Variants in HTT-AS observed in about 807,000 individuals in gnomAD.
HTT-AS encodes HTT antisense RNA (head to head).
In HTT-AS at chr4:3,062,593, T is replaced by A. The variant is rs139320440; in HGVS notation, n.1221A>T. On this transcript the variant is annotated non_coding_transcript_exon_variant, in exon 2 of 3. Coordinates refer to ENST00000664062, the Ensembl canonical transcript of HTT-AS. ...TCATTCTCGAAGTCTCAAACTTCACTTCTCCTGTGCGCTGATTCTGAATTC... is the reference window on the plus strand; with the variant it reads ...TCATTCTCGAAGTCTCAAACTTCACATCTCCTGTGCGCTGATTCTGAATTC... Among the ~76,000 whole-genome samples, 410 of 152,220 alleles carry A rather than the reference T, an allele frequency of 2.7e-3. 1 individual carries two copies. The highest frequency in any genetic ancestry group is 5.0e-3 in the Non-Finnish European group (341 of 68,004).
intron 2 of HTT-AS, among the ~76,000 whole-genome samples, chr4:3,049,937 CACACACACACAT>C (rs1225811314): frequency 1.4e-5 from 2 of 145,314 alleles, no homozygotes; most frequent in African/African-American, 5.5e-5. Context: ...CACACACACA[CACACACACACAT>C]ATACACTTTT....
At chr4:3,063,063 G>A (rs1257786251) in exon 2 of HTT-AS, among the ~76,000 whole-genome samples, 2 of 152,104 alleles carry the variant, frequency 1.3e-5, no homozygotes, top group African/African-American at 2.4e-5. Flanking sequence ...TCGGAGACAC[G>A]ACGTAGCCTT....
At chr4:3,053,205 T>A (rs1298855385) in intron 2 of HTT-AS, among the ~76,000 whole-genome samples, 9 of 152,114 alleles carry the variant, frequency 5.9e-5, no homozygotes, top group Non-Finnish European at 1.0e-4. Context: ...GTCTGTGTAG[T>A]TATATATGTG....
chr4:3,054,746 G>A (rs546413377), intron 2 of HTT-AS, among the ~76,000 whole-genome samples: 162 of 150,310 alleles, frequency 1.1e-3, no homozygotes, highest in Middle Eastern at 3.4e-3. Context: ...ATGGAGTCTC[G>A]CTCTGTCACC....
downstream of HTT-AS, among the ~76,000 whole-genome samples, chr4:3,048,226 C>T (rs764074784): frequency 5.3e-5 from 8 of 152,132 alleles, no homozygotes; most frequent in African/African-American, 1.7e-4. Context: ...ACCCTACAGG[C>T]GAGAGTGTGA....
chr4:3,069,988 G>T (rs1284055381), intron 1 of HTT-AS: 3 of 152,318 alleles, frequency 2.0e-5, no homozygotes, highest in African/African-American at 7.2e-5. Flanking sequence ...CTGGTCTCGG[G>T]TCGGGGCTGC....
At chr4:3,071,807 G>A (rs1294101646) in intron 1 of HTT-AS, among the ~76,000 whole-genome samples, 2 of 152,178 alleles carry the variant, frequency 1.3e-5, no homozygotes, top group Non-Finnish European at 2.9e-5. Flanking sequence ...GGACGGCCAC[G>A]TGAGGACACC....
Position 3,049,945 on chromosome 4 carries a change from CACAT to C in HTT-AS, n.1381-251_1381-248del, listed in dbSNP as rs1246860957. Reference sequence around the variant, plus strand: ...ACACACACACACACACACACACACACACATATACACTTTTTTTTTTTTGAGATGG... The same window carrying C: ...ACACACACACACACACACACACACACATACACTTTTTTTTTTTTGAGATGG... On this transcript the variant is annotated intron_variant and non_coding_transcript_variant, in intron 2 of 2. Transcript: ENST00000664062. Among the ~76,000 whole-genome samples, 66 of 142,508 alleles carry C rather than the reference CACAT, an allele frequency of 4.6e-4. 1 individual carries two copies. The South Asian group carries it at 5.9e-3, about 13-fold the overall frequency. The allele number at this position is 142,508 out of a possible 152,430, so 93.5% of individuals were successfully genotyped here.
intron 2 of HTT-AS, among the ~76,000 whole-genome samples, chr4:3,050,001 A>AGCG (rs1335810066): frequency 2.0e-5 from 3 of 148,512 alleles, no homozygotes; most frequent in Admixed American, 6.8e-5. Flanking sequence ...GCTGGAGTGC[A>AGCG]GCGGTGCAAT....
chr4:3,068,356 T>C (rs1712095638), intron 1 of HTT-AS, among the ~76,000 whole-genome samples: 1 of 146,854 alleles, frequency 6.8e-6, no homozygotes, highest in African/African-American at 2.5e-5. Context: ...TTCAATCTCC[T>C]GAAAGGAAGC....
intron 2 of HTT-AS, among the ~76,000 whole-genome samples, chr4:3,060,954 A>G (rs1017449782): frequency 6.6e-6 from 1 of 152,188 alleles, no homozygotes; most frequent in Non-Finnish European, 1.5e-5. Flanking sequence ...AACCCTGTCC[A>G]TTCTGCCGCA....
chr4:3,069,013 A>C (rs767555264), intron 1 of HTT-AS, among the ~76,000 whole-genome samples: 3 of 152,174 alleles, frequency 2.0e-5, no homozygotes, highest in Admixed American at 6.5e-5. Flanking sequence ...AAATTGGGAG[A>C]AACCAAAAAT....
intron 1 of HTT-AS, among the ~76,000 whole-genome samples, chr4:3,065,494 G>A (rs954201521): frequency 3.3e-5 from 5 of 152,072 alleles, no homozygotes; most frequent in South Asian, 2.1e-4. Flanking sequence ...TGGGATTACC[G>A]GTGTGAGCCA....
intron 1 of HTT-AS, among the ~76,000 whole-genome samples, chr4:3,067,506 G>A (rs938466575): frequency 6.6e-6 from 1 of 152,162 alleles, no homozygotes; most frequent in African/African-American, 2.4e-5. Flanking sequence ...ATCAGAAGGA[G>A]GCACTTCTCT....
At chr4:3,057,782 C>T (rs565958214) in intron 2 of HTT-AS, among the ~76,000 whole-genome samples, 66 of 151,816 alleles carry the variant, frequency 4.3e-4, no homozygotes, top group African/African-American at 1.5e-3. Context: ...TATAGGCGCC[C>T]GCCTGTAATT....
At chr4:3,058,283 G>A (rs527717867) in intron 2 of HTT-AS, among the ~76,000 whole-genome samples, 10 of 151,746 alleles carry the variant, frequency 6.6e-5, no homozygotes, top group African/African-American at 1.7e-4. Context: ...CCGAGATTGC[G>A]CCATTGCACT....
intron 2 of HTT-AS, among the ~76,000 whole-genome samples, chr4:3,056,969 T>G (rs1711813683): frequency 6.6e-6 from 1 of 152,168 alleles, no homozygotes; most frequent in East Asian, 1.9e-4. Context: ...TTTTATGAAT[T>G]TGACTACTCT....
intron 2 of HTT-AS, among the ~76,000 whole-genome samples, chr4:3,051,824 A>G (rs1480285834): frequency 6.6e-6 from 1 of 152,030 alleles, no homozygotes; most frequent in Non-Finnish European, 1.5e-5. Flanking sequence ...TTAAAACCCC[A>G]TAAGCTTGCT....
intron 1 of HTT-AS, among the ~76,000 whole-genome samples, chr4:3,065,245 CT>C (rs547699007): frequency 1.5e-3 from 204 of 137,744 alleles, no homozygotes; most frequent in South Asian, 0.013. Flanking sequence ...TTTCTTTCTT[CT>C]TTTTTTTTTT....
Sources: gnomAD v4.1 joint callset for allele counts (sites outside exome capture counted in the v4.1 genomes callset) on GRCh38, gnomAD v4.1.1 for gene constraint, MANE v1.5 for transcripts, NCBI Gene and HGNC (gene_info 2026-07-23, HGNC 2026-07-21) for gene names.